The following RILPL1 variants were observed in gnomAD, a reference collection of about 807,000 sequenced individuals.
RILPL1 encodes the protein RILP-like protein 1.
RILPL1 carries 33 observed loss-of-function variants against 50.3 expected under a neutral mutation model. The ratio of observed to expected loss-of-function variants is 0.66; its 90% CI spans 0.50 to 0.88. The LOEUF (loss-of-function observed/expected upper bound fraction) is 0.88. Among genes scored for constraint, RILPL1 ranks in the 40% least tolerant of loss-of-function variants. The pLI, the probability that RILPL1 is intolerant of heterozygous loss-of-function variation, is 0.00. For synonymous variants in RILPL1, 205 were observed against 228.6 expected, an observed-to-expected ratio of 0.90 and a Z score of 0.93; for missense variants, 418 against 542.5, an observed-to-expected ratio of 0.77 and a Z score of 2.28.
intron 2 of RILPL1, among the ~76,000 whole-genome samples, chr12:123,507,613 T>G (rs1883828189): frequency 6.7e-6 from 1 of 149,358 alleles, no homozygotes; most frequent in Non-Finnish European, 1.5e-5. Flanking sequence ...TTTGGAGAAA[T>G]TAGAACCTTT....
At chr12:123,526,422 C>A (rs936406301) in intron 1 of RILPL1, among the ~76,000 whole-genome samples, 1 of 152,212 alleles carries the variant, frequency 6.6e-6, no homozygotes, top group African/African-American at 2.4e-5. Context: ...TACTAGCTGA[C>A]CTTGGCGAGT....
chr12:123,470,973 G>A lies in RILPL1; in HGVS notation c.*1565C>T, dbSNP rs1303436898. 2 of 151,914 alleles carry A rather than the reference G, an allele frequency of 1.3e-5. No homozygotes were observed. The highest frequency in any genetic ancestry group is 1.9e-4 in the East Asian group (1 of 5,198). The allele number at this position is 151,914 out of a possible 1,614,324, so 9.4% of individuals were successfully genotyped here. A position where few individuals can be genotyped will look rare whatever the true frequency, so the allele number is the denominator to read the frequency against. On this transcript the variant is annotated 3_prime_UTR_variant, in exon 7 of 7. Transcript: ENST00000376874. ...CAGGTTTGAGAAACACTGCTCTAACGCAGCAATAATTACCCTGTCTGATCA... is the reference window on the plus strand; with the variant it reads ...CAGGTTTGAGAAACACTGCTCTAACACAGCAATAATTACCCTGTCTGATCA...
chr12:123,478,158 G>C (rs755420397), intron 6 of RILPL1, among the ~76,000 whole-genome samples: 3 of 151,416 alleles, frequency 2.0e-5, no homozygotes, highest in Non-Finnish European at 4.4e-5. Context: ...CACCATGCCC[G>C]GCCAATTAAA....
rs750659390 is a variant in RILPL1, at chr12:123,472,166, CAT to C, written c.*370_*371del. 1 of 223,306 alleles carries C rather than the reference CAT, an allele frequency of 4.5e-6. No individual in the cohort carries two copies. Among genetic ancestry groups the C allele is most frequent in the African/African-American group, 2.2e-5 (1 of 44,552 alleles). The allele number at this position is 223,306 out of a possible 1,614,324, so 13.8% of individuals were successfully genotyped here. On this transcript the variant is annotated 3_prime_UTR_variant, in exon 7 of 7. Coordinates refer to ENST00000376874, the MANE Select transcript of RILPL1 (RefSeq NM_178314.5). ...CACCTGTGATAATAAAACCTCTACA[CAT>C]AGCATTTTATACAAAGCAAGTCAAA...
At chr12:123,511,265 T>TA (rs1884161852) in intron 2 of RILPL1, among the ~76,000 whole-genome samples, 1 of 122,286 alleles carries the variant, frequency 8.2e-6, no homozygotes, top group African/African-American at 4.2e-5. Flanking sequence ...GGTCTGTGTG[T>TA]GTGTGGTGTG....
chr12:123,531,438 A>G (rs911092351), intron 1 of RILPL1, among the ~76,000 whole-genome samples: 2 of 152,108 alleles, frequency 1.3e-5, no homozygotes, highest in Non-Finnish European at 2.9e-5. Context: ...CTTCTGTGTG[A>G]TCTGGTCAAA....
chr12:123,516,621 G>A (rs963670142), intron 2 of RILPL1, among the ~76,000 whole-genome samples: 1 of 152,180 alleles, frequency 6.6e-6, no homozygotes, highest in South Asian at 2.1e-4. Context: ...GGTGGCTCTA[G>A]ATCGCTGTAA....
At chr12:123,521,684 TAC>T (rs1176692874) in intron 2 of RILPL1, among the ~76,000 whole-genome samples, 3,016 of 18,716 alleles carry the variant, frequency 0.16, 169 homozygotes, top group African/African-American at 0.26. Context: ...TATATATATA[TAC>T]ACACATATAT....
rs1391170590 is a variant in RILPL1 at position 123,522,487 on chromosome 12, C to A, written c.460+1008G>T. Among the ~76,000 whole-genome samples, 1 of 152,224 alleles carries A rather than the reference C, an allele frequency of 6.6e-6. No individual in the cohort carries two copies. The highest frequency in any genetic ancestry group is 1.5e-5 in the Non-Finnish European group (1 of 68,040). ...TTTGCCTGTGATAAGAGCCTCCAAT[C>A]TCTTCCCAGCACACTTAGAATAAAA... is the stretch of plus-strand genomic sequence containing the variant. On this transcript the variant is annotated intron_variant, in intron 2 of 6. Transcript: ENST00000376874. This position sits in a 1 kb window ranked among gnomAD's most constrained non-coding sequence, Gnocchi z 4.0.
At chr12:123,518,315 G>T (rs2139377004) in intron 2 of RILPL1, 1 of 423,916 alleles carries the variant, frequency 2.4e-6, no homozygotes, top group South Asian at 1.7e-5. Context: ...ACCAGCCTGG[G>T]CAACATAGTG....
chr12:123,498,723 G>GA lies in RILPL1; in HGVS notation c.621_622insT (p.Leu208SerfsTer60). 6.2e-7 allele frequency: 1 copy of GA among 1,613,522 alleles called. No individual in the cohort carries two copies. Among genetic ancestry groups the GA allele is most frequent in the Non-Finnish European group, 8.5e-7 (1 of 1,179,888 alleles). On this transcript the variant is annotated frameshift_variant, in exon 4 of 7. Transcript: ENST00000376874. LOFTEE classifies it high-confidence loss of function. The surrounding 1 kb of genome is among the most constrained non-coding windows in gnomAD (Gnocchi z 4.3). ...TCCACCACCGTGACCCGGTGCCGAAGGTCATGGTTGATCTTCATCAGCCGT... is the reference window on the plus strand; with the variant it reads ...TCCACCACCGTGACCCGGTGCCGAAGAGTCATGGTTGATCTTCATCAGCCGT...
At chr12:123,510,098 A>T (rs1041195504) in intron 2 of RILPL1, among the ~76,000 whole-genome samples, 1 of 152,140 alleles carries the variant, frequency 6.6e-6, no homozygotes, top group Non-Finnish European at 1.5e-5. Context: ...CTCTGCGTCC[A>T]CTTTCTCTAA....
chr12:123,507,582 G>C (rs941412052), intron 2 of RILPL1, among the ~76,000 whole-genome samples: 1 of 149,502 alleles, frequency 6.7e-6, no homozygotes, highest in Non-Finnish European at 1.5e-5. Context: ...AAAAAAAGAT[G>C]TATGTGTGTA....
At chr12:123,490,750 CTTT>C (rs36045938) in intron 4 of RILPL1, among the ~76,000 whole-genome samples, 8 of 132,770 alleles carry the variant, frequency 6.0e-5, no homozygotes, top group South Asian at 2.4e-4. Context: ...AAAGTCCTGA[CTTT>C]TTTTTTTTTT....
At chr12:123,506,515 T>C (rs1193239856) in intron 2 of RILPL1, among the ~76,000 whole-genome samples, 2 of 152,092 alleles carry the variant, frequency 1.3e-5, no homozygotes, top group African/African-American at 4.8e-5. Context: ...GGGCGTCCTC[T>C]GTATGCACAT....
Position 123,499,530 on chromosome 12 carries a change from G to C in RILPL1, c.467C>G (p.Ser156Ter). ...EEEFQKHEGM[S>*]ERERQVMKKL... ...CTTCATCACCTGTCGCTCCCGCTCT[G>C]ACATGCCTGGGTGGGCAAGTGAGAC... The change falls in exon 3 of 7, where the codon TCA (serine) becomes TGA (stop). Residue 156 changes from serine to a stop codon, truncating the protein, a stop_gained. Transcript: ENST00000376874. LOFTEE classifies it high-confidence loss of function. 1 of 1,613,040 alleles carries C rather than the reference G, an allele frequency of 6.2e-7. No individual in the cohort carries two copies. The highest frequency in any genetic ancestry group is 8.5e-7 in the Non-Finnish European group (1 of 1,179,240).
At chr12:123,486,364 C>A (rs546923961) in intron 4 of RILPL1, among the ~76,000 whole-genome samples, 2 of 152,160 alleles carry the variant, frequency 1.3e-5, no homozygotes, top group Non-Finnish European at 2.9e-5. Context: ...GGTGCACACT[C>A]GGCCATTTCT....
chr12:123,479,515 G>A (rs1390002866), intron 6 of RILPL1, among the ~76,000 whole-genome samples: 1 of 152,144 alleles, frequency 6.6e-6, no homozygotes, highest in Non-Finnish European at 1.5e-5. Flanking sequence ...GTCATTCCCT[G>A]CGCCAGCCCA....
rs1881202071 is a variant in RILPL1, at chr12:123,471,750, T to C, written c.*788A>G. ...CTTCTTCTTTGCAGGGGACTAAGTATATGACTTAATGAATCCTAAAAGGAA... is the reference window on the plus strand; with the variant it reads ...CTTCTTCTTTGCAGGGGACTAAGTACATGACTTAATGAATCCTAAAAGGAA... On this transcript the variant is annotated 3_prime_UTR_variant, in exon 7 of 7. Coordinates refer to ENST00000376874, the MANE Select transcript of RILPL1 (RefSeq NM_178314.5). 1 of 152,506 alleles carries C rather than the reference T, an allele frequency of 6.6e-6. No homozygotes were observed. Among genetic ancestry groups the C allele is most frequent in the Non-Finnish European group, 1.5e-5 (1 of 68,026 alleles). 9.4% of individuals were successfully genotyped at this position (152,506 alleles called of 1,614,324 possible).
Sources: gnomAD v4.1 joint callset for allele counts (sites outside exome capture counted in the v4.1 genomes callset) on GRCh38, gnomAD v4.1.1 for gene constraint, Gnocchi (gnomAD v3.1) non-coding constraint, MANE v1.5 for transcripts, NCBI Gene and HGNC (gene_info 2026-07-23, HGNC 2026-07-21) for gene names.